MAD1L1: variants seen among roughly 807,000 people sequenced by gnomAD.
MAD1L1 encodes the protein mitotic arrest deficient 1 like 1.
In MAD1L1, 95 loss-of-function variants were observed where a neutral mutation model predicts 96.9. The ratio of observed to expected loss-of-function variants is 0.98; its 90% CI spans 0.83 to 1.16. MAD1L1 has a LOEUF of 1.16. Among genes scored for constraint, MAD1L1 ranks in the 50% most tolerant of loss-of-function variants. The probability of loss-of-function intolerance (pLI) is 0.00; values close to 1 mark genes in which losing one functional copy is unlikely to be tolerated. For synonymous variants in MAD1L1, 473 were observed against 396.6 expected (o/e 1.19, Z -2.29); for missense variants, 1,007 against 954.4 (o/e 1.06, Z -0.73).
chr7:1,948,980 G>A (rs866434390), intron 16 of MAD1L1, among the ~76,000 whole-genome samples: 28 of 152,308 alleles, frequency 1.8e-4, no homozygotes, highest in African/African-American at 5.8e-4. Context: ...GGCTGGGCCC[G>A]ACACACACAC....
chr7:1,976,629 A>G (rs1780656214), intron 15 of MAD1L1, among the ~76,000 whole-genome samples: 1 of 152,184 alleles, frequency 6.6e-6, no homozygotes, highest in Non-Finnish European at 1.5e-5. Context: ...TGCCGCTGCT[A>G]GCTCTGGCAG....
At chr7:1,932,054 G>A (rs1789510757) in intron 17 of MAD1L1, among the ~76,000 whole-genome samples, 1 of 152,256 alleles carries the variant, frequency 6.6e-6, no homozygotes. Context: ...GCACACACGT[G>A]TGGAAAGCTC....
intron 11 of MAD1L1, among the ~76,000 whole-genome samples, chr7:2,104,397 C>G (rs1056175536): frequency 6.6e-6 from 1 of 152,254 alleles, no homozygotes; most frequent in African/African-American, 2.4e-5. Flanking sequence ...CCAAGGGGGA[C>G]GCAGTCTGGC....
At chr7:2,036,299 C>T (rs1202373349) in intron 12 of MAD1L1, among the ~76,000 whole-genome samples, 3 of 144,814 alleles carry the variant, frequency 2.1e-5, no homozygotes, top group Non-Finnish European at 4.5e-5. Flanking sequence ...CAGGCATGAG[C>T]GCGGGAGCAC....
chr7:1,927,560 C>T (rs557567779), intron 17 of MAD1L1, among the ~76,000 whole-genome samples: 6 of 152,212 alleles, frequency 3.9e-5, no homozygotes, highest in African/African-American at 1.4e-4. Context: ...TGGTTTTGGA[C>T]AAAGGTGCAA....
At chr7:1,921,812 T>C (rs999439913) in intron 17 of MAD1L1, among the ~76,000 whole-genome samples, 2 of 152,196 alleles carry the variant, frequency 1.3e-5, no homozygotes, top group African/African-American at 4.8e-5. Context: ...CCTAGGGCAA[T>C]TGTTTAGTGA....
chr7:2,160,585 G>A (rs573091996), intron 10 of MAD1L1, among the ~76,000 whole-genome samples: 2 of 151,922 alleles, frequency 1.3e-5, no homozygotes, highest in South Asian at 2.1e-4. Context: ...TGCCCGCTTC[G>A]GCCTCCCAAA....
At position 1,866,595 on chromosome 7, in the gene MAD1L1, G is replaced by C. The variant is rs62435157; in HGVS notation, c.1998+31605C>G. The stretch of plus-strand genomic sequence containing the variant: ...AGCGCTACAGAGAAGCTGCTGGTGT[G>C]AGACGCCACGGGAGGCTGCGGACAG... On this transcript the variant is annotated intron_variant, in intron 18 of 18. Transcript: ENST00000265854. 2.6e-5 allele frequency among the ~76,000 whole-genome samples: 4 copies of C among 152,314 alleles called. No homozygotes were observed. In the South Asian group the frequency reaches 8.3e-4, roughly 32 times the overall value.
Position 1,998,283 on chromosome 7 carries a change from C to T in MAD1L1, c.1416+3782G>A, listed in dbSNP as rs6943927. ...ACTGGAGTGAGCAGCTCCTCCAAAA[C>T]CACCTGCAGCCAGACAAGGGCCGAT... is the stretch of plus-strand genomic sequence containing the variant. On this transcript the variant is annotated intron_variant, in intron 14 of 18. Transcript: ENST00000265854. Among the ~76,000 whole-genome samples the T allele has an allele frequency of 8.4e-3, 1,282 of 152,302 alleles. 18 individuals carry two copies. Among genetic ancestry groups the T allele is most frequent in the African/African-American group, 0.03 (1,242 of 41,560 alleles).
At chr7:2,144,138 C>T (rs1007771553) in intron 11 of MAD1L1, among the ~76,000 whole-genome samples, 2 of 152,230 alleles carry the variant, frequency 1.3e-5, no homozygotes, top group Admixed American at 1.3e-4. Flanking sequence ...GACGCACGTC[C>T]TGCTTTCACC....
intron 16 of MAD1L1, among the ~76,000 whole-genome samples, chr7:1,954,437 A>C (rs554857726): frequency 6.6e-6 from 1 of 152,110 alleles, no homozygotes; most frequent in South Asian, 2.1e-4. Flanking sequence ...CCAGAAGAGA[A>C]CAAAGCGCTG....
At chr7:1,869,578 C>A (rs1784944904) in intron 18 of MAD1L1, among the ~76,000 whole-genome samples, 1 of 152,144 alleles carries the variant, frequency 6.6e-6, no homozygotes, top group South Asian at 2.1e-4. Context: ...GGAAAAAACA[C>A]TGAAAAACGT....
chr7:2,220,200 C>T lies in MAD1L1; in HGVS notation c.472-744G>A, dbSNP rs548407631. 8.5e-5 allele frequency among the ~76,000 whole-genome samples: 13 copies of T among 152,292 alleles called. No individual in the cohort carries two copies. The East Asian group carries it at 1.9e-3, about 23-fold the overall frequency. Reference sequence around the variant, plus strand: ...GGCGGTACCTGCTGGGGAGGCCGTGCGCTTGGAACGGGAGCACGCGGCACG... The same window carrying T: ...GGCGGTACCTGCTGGGGAGGCCGTGTGCTTGGAACGGGAGCACGCGGCACG... On this transcript the variant is annotated intron_variant, in intron 5 of 18. Transcript: ENST00000265854.
intron 14 of MAD1L1, among the ~76,000 whole-genome samples, chr7:1,981,269 G>A (rs11764780): frequency 1.3e-4 from 20 of 152,256 alleles, no homozygotes; most frequent in African/African-American, 4.6e-4. Flanking sequence ...GCCCGGCCAG[G>A]AGTGTGGATT....
At chr7:2,219,547 G>C in intron 5 of MAD1L1, 91 bp from the exon 6 acceptor site, 1 of 1,410,574 alleles carries the variant, frequency 7.1e-7, no homozygotes, top group South Asian at 1.3e-5. Context: ...GTGGAGAGGC[G>C]ACACCACCCA....
In MAD1L1 at chr7:1,936,677, G is replaced by A. The variant is rs1306119563; in HGVS notation, c.1807+10C>T. ...GAGGATGGCAGGGACCGGGGGTGGG[G>A]GGTGCCTACCTGCCACCTCCTTGGA... On this transcript the variant is annotated intron_variant, in intron 17 of 18. Coordinates refer to ENST00000265854, the MANE Select transcript of MAD1L1 (RefSeq NM_001013836.2). 3 of 1,546,966 alleles carry A rather than the reference G, an allele frequency of 1.9e-6. No individual in the cohort carries two copies. The highest frequency in any genetic ancestry group is 1.4e-5 in the African/African-American group (1 of 73,124).
At chr7:2,222,130 A>G (rs1008565003) in intron 5 of MAD1L1, among the ~76,000 whole-genome samples, 2 of 151,100 alleles carry the variant, frequency 1.3e-5, no homozygotes, top group Non-Finnish European at 2.9e-5. Context: ...CTGGAGTGCA[A>G]TGGTGTGATC....
intron 11 of MAD1L1, among the ~76,000 whole-genome samples, chr7:2,132,381 GCGCGTC>G (rs1788554429): frequency 6.7e-5 from 10 of 148,790 alleles, no homozygotes; most frequent in South Asian, 2.1e-4. Flanking sequence ...CTGTGCGACC[GCGCGTC>G]CACCATCACG....
chr7:2,066,673 TC>T (rs1212156477), intron 12 of MAD1L1, among the ~76,000 whole-genome samples: 8 of 152,088 alleles, frequency 5.3e-5, no homozygotes, highest in Non-Finnish European at 1.0e-4. Flanking sequence ...GGCACAGACT[TC>T]CCAGAAGGCT....
Sources: gnomAD v4.1 joint callset for allele counts (sites outside exome capture counted in the v4.1 genomes callset) on GRCh38, gnomAD v4.1.1 for gene constraint, MANE v1.5 for transcripts, NCBI Gene and HGNC (gene_info 2026-07-23, HGNC 2026-07-21) for gene names.